GJC3: variants seen among roughly 807,000 people sequenced by gnomAD.
The protein encoded by GJC3 is gap junction protein gamma 3.
A neutral mutation model predicts 19.8 loss-of-function variants in GJC3; 17 were observed. The ratio of observed to expected loss-of-function variants is 0.86; its 90% CI spans 0.59 to 1.29. The LOEUF is 1.29. Among genes scored for constraint, GJC3 ranks in the 50% most tolerant of loss-of-function variants. The pLI, the probability that GJC3 is intolerant of heterozygous loss-of-function variation, is 0.00. For missense variants in GJC3, 317 were observed against 332.5 expected (o/e 0.95, Z 0.36); for synonymous variants, 140 against 136.5 (o/e 1.03, Z -0.18).
At chr7:99,925,541 AG>A (rs1446556862) in intron 1 of GJC3, among the ~76,000 whole-genome samples, 3 of 152,236 alleles carry the variant, frequency 2.0e-5, no homozygotes, top group Non-Finnish European at 4.4e-5. Flanking sequence ...ATTGGATGTT[AG>A]ACTTCATTAA....
In GJC3 at chr7:99,928,828, T is replaced by A; in HGVS notation, c.781+12A>T. ...AAACATCAGTGACAGGAAGAGAGCG[T>A]GTCCTTCTCACCTGCTTCTTGAAAT... On this transcript the variant is annotated intron_variant, in intron 1 of 1. Transcript: ENST00000312891. The A allele has an allele frequency of 1.2e-6, 2 of 1,613,284 alleles. No homozygotes were observed. The highest frequency in any genetic ancestry group is 1.7e-6 in the Non-Finnish European group (2 of 1,179,262).
chr7:99,926,713 G>A (rs924000955), intron 1 of GJC3, among the ~76,000 whole-genome samples: 1 of 152,112 alleles, frequency 6.6e-6, no homozygotes, highest in African/African-American at 2.4e-5. Context: ...GTTTTTTTAA[G>A]TTGATGAAAA....
intron 1 of GJC3, 117 bp downstream of exon 1, chr7:99,928,723 G>A (rs1349289395): frequency 1.3e-5 from 12 of 944,546 alleles, no homozygotes; most frequent in Admixed American, 1.9e-5. Context: ...CTAGAACCTG[G>A]TTACCTACTT....
At chr7:99,926,735 T>C (rs1440372325) in intron 1 of GJC3, among the ~76,000 whole-genome samples, 1 of 152,126 alleles carries the variant, frequency 6.6e-6, no homozygotes, top group African/African-American at 2.4e-5. Context: ...GTTATTAAAT[T>C]GGTAGTGTTG....
At position 99,929,191 on chromosome 7, in the gene GJC3, G is replaced by C. The variant is rs768595321; in HGVS notation, c.430C>G (p.Arg144Gly). The C allele has an allele frequency of 3.1e-5, 50 of 1,613,838 alleles. No homozygotes were observed. The highest frequency in any genetic ancestry group is 4.0e-5 in the African/African-American group (3 of 74,904). ...LWAYVAQLGA[R>G]LVLEGAALGL... ...AGGGCTGCCCCCTCCAGGACAAGCCGAGCCCCCAGCTGAGCCACATAAGCC... is the reference window on the plus strand; with the variant it reads ...AGGGCTGCCCCCTCCAGGACAAGCCCAGCCCCCAGCTGAGCCACATAAGCC... Residue 144 changes from arginine to glycine, a missense_variant, in exon 1 of 2, where the codon CGG becomes GGG. Coordinates refer to ENST00000312891, the MANE Select transcript of GJC3 (RefSeq NM_181538.3).
At chr7:99,926,539 A>G (rs1056883813) in intron 1 of GJC3, among the ~76,000 whole-genome samples, 1 of 152,242 alleles carries the variant, frequency 6.6e-6, no homozygotes, top group Non-Finnish European at 1.5e-5. Context: ...CACAACATGA[A>G]TGAACCTCAA....
intron 1 of GJC3, among the ~76,000 whole-genome samples, chr7:99,924,454 G>T (rs1191024780): frequency 6.6e-6 from 1 of 152,192 alleles, no homozygotes; most frequent in Non-Finnish European, 1.5e-5. Flanking sequence ...CAGGCATGGT[G>T]GTGCACGCCT....
rs1819858547 is a variant in GJC3, at chr7:99,929,281, TCTC to T, written c.337_339del (p.Glu113del). 2 of 1,613,730 alleles carry T rather than the reference TCTC, an allele frequency of 1.2e-6. No individual in the cohort carries two copies. Among genetic ancestry groups the T allele is most frequent in the African/African-American group, 2.7e-5 (2 of 74,822 alleles). The stretch of plus-strand genomic sequence containing the variant: ...TTGCCCTCCCGTCCCTGGATCAGGG[TCTC>T]CTCCTCCTTCCCCTTTCCTGATAAT... On this transcript the variant is annotated inframe_deletion, in exon 1 of 2. Transcript: ENST00000312891.
chr7:99,924,591 A>G (rs1260848719), intron 1 of GJC3, among the ~76,000 whole-genome samples: 1 of 152,216 alleles, frequency 6.6e-6, no homozygotes, highest in Admixed American at 6.5e-5. Context: ...AAAGAAAAAA[A>G]AGTGAGTAGT....
upstream of GJC3, among the ~76,000 whole-genome samples, chr7:99,929,945 GTC>G (rs916409111): frequency 2.6e-5 from 4 of 152,030 alleles, no homozygotes; most frequent in African/African-American, 7.2e-5. Context: ...CCTTCCCTCC[GTC>G]TCTCTTTCCC....
chr7:99,926,978 A>G (rs1819813629), intron 1 of GJC3, among the ~76,000 whole-genome samples: 1 of 152,246 alleles, frequency 6.6e-6, no homozygotes, highest in African/African-American at 2.4e-5. Flanking sequence ...GTTCAAGGGC[A>G]CGGATACACA....
At position 99,928,920 on chromosome 7, in the gene GJC3, G is replaced by T. The variant is rs140894833; in HGVS notation, c.701C>A (p.Thr234Asn). The change falls in exon 1 of 2, where the codon ACT (threonine) becomes AAT (asparagine). Residue 234 changes from threonine to asparagine, a missense_variant. By Grantham distance (65) the Thr-to-Asn change is moderately conservative (BLOSUM62 0). Coordinates refer to ENST00000312891, the MANE Select transcript of GJC3 (RefSeq NM_181538.3). ...HKSSSSKYFL[T>N]SESTRRHKKA... ...CTTGTGTCTTCTGGTGCTCTCTGAA[G>T]TTAGGAAGTATTTAGAAGAGGAAGA... is the stretch of plus-strand genomic sequence containing the variant. 1.2e-6 allele frequency: 2 copies of T among 1,614,062 alleles called. No individual in the cohort carries two copies. Among genetic ancestry groups the T allele is most frequent in the Non-Finnish European group, 8.5e-7 (1 of 1,180,038 alleles).
At chr7:99,925,787 A>G (rs900158683) in intron 1 of GJC3, among the ~76,000 whole-genome samples, 1 of 152,264 alleles carries the variant, frequency 6.6e-6, no homozygotes, top group South Asian at 2.1e-4. Context: ...AAAATGTTCA[A>G]TGTAATTAGC....
intron 1 of GJC3, among the ~76,000 whole-genome samples, chr7:99,924,391 C>T (rs542914247): frequency 7.9e-5 from 12 of 152,150 alleles, no homozygotes; most frequent in Non-Finnish European, 1.3e-4. Flanking sequence ...AGTTCGAGAC[C>T]AGCTTGGCCG....
intron 1 of GJC3, 89 bp from the exon 2 acceptor site, chr7:99,923,692 A>G: frequency 1.4e-6 from 1 of 732,696 alleles, no homozygotes; most frequent in East Asian, 2.6e-5. Flanking sequence ...CCTGGGTTAC[A>G]CTTTAGGTGC....
intron 1 of GJC3, among the ~76,000 whole-genome samples, chr7:99,927,638 T>TA (rs71276829): frequency 0.2 from 29,878 of 145,804 alleles, 6,599 homozygotes; most frequent in African/African-American, 0.56. Flanking sequence ...AGCGTTCTGT[T>TA]AAAAAAAAAA....
Position 99,929,063 on chromosome 7 carries a change from A to AG in GJC3, c.557dup (p.Glu187Ter). 1 of 1,614,172 alleles carries AG rather than the reference A, an allele frequency of 6.2e-7. No individual in the cohort carries two copies. Among genetic ancestry groups the AG allele is most frequent in the Non-Finnish European group, 8.5e-7 (1 of 1,180,022 alleles). On this transcript the variant is annotated frameshift_variant, in exon 1 of 2. Coordinates refer to ENST00000312891, the MANE Select transcript of GJC3 (RefSeq NM_181538.3). LOFTEE classifies it high-confidence loss of function. ...TGGTCTTTAGGAAAATGGTCTTCTC[A>AG]GAGGGGCGGGACAGATTGCAGGTTA... is the stretch of plus-strand genomic sequence containing the variant.
rs183647085 is a variant in GJC3 at position 99,925,309 on chromosome 7, A to G, written c.782-1706T>C. Among the ~76,000 whole-genome samples the G allele has an allele frequency of 5.3e-5, 8 of 152,332 alleles. No individual in the cohort carries two copies. The East Asian group carries it at 1.2e-3, about 22-fold the overall frequency. On this transcript the variant is annotated intron_variant, in intron 1 of 1. Coordinates refer to ENST00000312891, the MANE Select transcript of GJC3 (RefSeq NM_181538.3). ...ATTTAAATAAAAAAAGTTTTTAAAA[A>G]AGAAATAGTGCTGAGACAATTGAAT...
chr7:99,928,033 G>A (rs1819836307), intron 1 of GJC3, among the ~76,000 whole-genome samples: 1 of 152,210 alleles, frequency 6.6e-6, no homozygotes. Context: ...AGATATTAGA[G>A]GACACTGACT....
Sources: allele counts gnomAD v4.1 joint callset (sites outside exome capture counted in the v4.1 genomes callset), GRCh38; gene constraint gnomAD v4.1.1; transcripts MANE v1.5; gene names NCBI Gene and HGNC (gene_info 2026-07-23, HGNC 2026-07-21).